PCDHGA11: variants seen among roughly 807,000 people sequenced by gnomAD.
The protein encoded by PCDHGA11 is protocadherin gamma subfamily A, 11.
Under a neutral mutation model 60.4 loss-of-function variants are expected in PCDHGA11, and 39 were observed. The observed-to-expected ratio is 0.65, with a 90% confidence interval of 0.50 to 0.84. PCDHGA11 has a LOEUF of 0.84. PCDHGA11 is among the 40% of genes least tolerant of loss of function. The pLI, the probability that PCDHGA11 is intolerant of heterozygous loss-of-function variation, is 0.00. For synonymous variants in PCDHGA11, 533 were observed against 510.3 expected (o/e 1.04, Z -0.60); for missense variants, 1,165 against 1,197.7 (o/e 0.97, Z 0.40).
At chr5:141,437,197 G>A (rs535640562) in intron 1 of PCDHGA11, among the ~76,000 whole-genome samples, 69 of 152,330 alleles carry the variant, frequency 4.5e-4, no homozygotes, top group Non-Finnish European at 7.8e-4. Flanking sequence ...GGGTTTGGAT[G>A]TGTTTACATT....
At chr5:141,448,000 C>T (rs1363676731) in intron 1 of PCDHGA11, among the ~76,000 whole-genome samples, 3 of 151,840 alleles carry the variant, frequency 2.0e-5, no homozygotes, top group Non-Finnish European at 4.4e-5. Flanking sequence ...GCATGAGAAT[C>T]GCTTGAACCC....
chr5:141,425,943 C>T (rs2096904576), intron 1 of PCDHGA11, among the ~76,000 whole-genome samples: 1 of 152,220 alleles, frequency 6.6e-6, no homozygotes, highest in African/African-American at 2.4e-5. Flanking sequence ...TGTCTAGTTT[C>T]CTATACATTA....
intron 3 of PCDHGA11, among the ~76,000 whole-genome samples, chr5:141,506,202 G>A (rs911181875): frequency 6.6e-6 from 1 of 152,184 alleles, no homozygotes; most frequent in Non-Finnish European, 1.5e-5. Context: ...TGTAATCCCA[G>A]CACTTTGGGA....
chr5:141,460,624 T>TA (rs1464862917), intron 1 of PCDHGA11, among the ~76,000 whole-genome samples: 2 of 152,128 alleles, frequency 1.3e-5, no homozygotes, highest in African/African-American at 4.8e-5. Context: ...GATAGACAGA[T>TA]ACAGATATAT....
rs1435916603 is a variant in PCDHGA11 at position 141,421,807 on chromosome 5, G to C, written c.580G>C (p.Glu194Gln). ...CAGAACGGATGGGGCCAAGAATCCA[G>C]AGCTAGTACTGGAGGGAAGCCTGGA... ...RGRTDGAKNP[E>Q]LVLEGSLDRE... is the part of the protein sequence containing the mutation. The change falls in exon 1 of 4, where the codon GAG becomes CAG. Residue 194 changes from glutamate to glutamine, a missense_variant. Coordinates refer to ENST00000398587, the MANE Select transcript of PCDHGA11 (RefSeq NM_018914.3). 1 of 1,613,852 alleles carries C rather than the reference G, an allele frequency of 6.2e-7. No homozygotes were observed. The highest frequency in any genetic ancestry group is 1.7e-5 in the Admixed American group (1 of 60,028).
At chr5:141,444,670 C>G (rs1174911888) in intron 1 of PCDHGA11, among the ~76,000 whole-genome samples, 1 of 152,052 alleles carries the variant, frequency 6.6e-6, no homozygotes, top group African/African-American at 2.4e-5. Context: ...CCATTTTTTT[C>G]AATACCATTT....
intron 1 of PCDHGA11, chr5:141,429,167 TATAC>T (rs1240034860): frequency 7.3e-6 from 1 of 136,106 alleles, no homozygotes; most frequent in African/African-American, 2.9e-5. Flanking sequence ...AGACATTGTT[TATAC>T]ACACACACAC....
intron 3 of PCDHGA11, among the ~76,000 whole-genome samples, chr5:141,505,995 C>T (rs1041284805): frequency 5.3e-5 from 8 of 152,142 alleles, no homozygotes; most frequent in African/African-American, 1.4e-4. Flanking sequence ...CCTCTTTATG[C>T]GAGGCTCCTC....
At chr5:141,468,953 T>G (rs182999574) in intron 1 of PCDHGA11, among the ~76,000 whole-genome samples, 1,938 of 89,156 alleles carry the variant, frequency 0.022, 22 homozygotes, top group Non-Finnish European at 0.033. Flanking sequence ...AAACCTGTGG[T>G]TTTTTTTACC....
chr5:141,478,882 A>G, intron 1 of PCDHGA11: 1 of 1,200,164 alleles, frequency 8.3e-7, no homozygotes. Context: ...TTAGCTTGGT[A>G]TCATTTACAT....
At chr5:141,442,837 A>G (rs2098346617) in intron 1 of PCDHGA11, among the ~76,000 whole-genome samples, 1 of 152,202 alleles carries the variant, frequency 6.6e-6, no homozygotes, top group Admixed American at 6.5e-5. Flanking sequence ...GGGAGGGACA[A>G]ATCTTGGCCA....
Position 141,489,368 on chromosome 5 carries a change from C to T in PCDHGA11, c.2434-5439C>T, listed in dbSNP as rs889945954. The T allele has an allele frequency of 1.2e-5, 20 of 1,613,264 alleles. No homozygotes were observed. The highest frequency in any genetic ancestry group is 1.6e-5 in the Non-Finnish European group (19 of 1,179,484). On this transcript the variant is annotated intron_variant, in intron 1 of 3. Transcript: ENST00000398587. The surrounding 1 kb of genome is among the most constrained non-coding windows in gnomAD (Gnocchi z 4.5). The stretch of plus-strand genomic sequence containing the variant: ...GTGGTGGAGGAGTCTGAGCCGGGGA[C>T]GCTGGTGGGGAATGTTGCTCAGGAT...
intron 1 of PCDHGA11, among the ~76,000 whole-genome samples, chr5:141,456,917 C>G (rs1005360691): frequency 2.6e-5 from 4 of 152,032 alleles, no homozygotes; most frequent in Non-Finnish European, 5.9e-5. Context: ...GAGCCGAGAT[C>G]GCACCACTGC....
chr5:141,458,273 G>C, intron 1 of PCDHGA11, among the ~76,000 whole-genome samples: 1 of 152,158 alleles, frequency 6.6e-6, no homozygotes, highest in Non-Finnish European at 1.5e-5. Context: ...AGGAACAACA[G>C]GGTTCCTGGT....
intron 1 of PCDHGA11, chr5:141,427,834 C>A: frequency 6.5e-7 from 1 of 1,542,566 alleles, no homozygotes; most frequent in Non-Finnish European, 8.9e-7. Flanking sequence ...GCGCAGCGTG[C>A]CTTCGACCAC....
At chr5:141,464,189 C>T (rs1215955823) in intron 1 of PCDHGA11, among the ~76,000 whole-genome samples, 1 of 150,620 alleles carries the variant, frequency 6.6e-6, no homozygotes, top group Non-Finnish European at 1.5e-5. Context: ...TGCTTGATTT[C>T]AGGAGGCGGA....
intron 1 of PCDHGA11, among the ~76,000 whole-genome samples, chr5:141,474,120 T>C (rs2099343213): frequency 6.6e-6 from 1 of 151,910 alleles, no homozygotes; most frequent in Non-Finnish European, 1.5e-5. Flanking sequence ...ACAACGAAAA[T>C]CTCAGAAAAC....
Position 141,422,211 on chromosome 5 carries a change from C to G in PCDHGA11, c.984C>G (p.Leu328=). 1 of 1,563,286 alleles carries G rather than the reference C, an allele frequency of 6.4e-7. No homozygotes were observed. Among genetic ancestry groups the G allele is most frequent in the Non-Finnish European group, 8.6e-7 (1 of 1,160,004 alleles). The change falls in exon 1 of 4, where the codon CTC becomes CTG. Residue 328 remains leucine (L), a synonymous_variant. Transcript: ENST00000398587. The stretch of plus-strand genomic sequence containing the variant: ...TTCAAGGCCAAGATGGTGGAGGTCT[C>G]TTTACCACCACGACGATGTTGATCA... ...MEIQGQDGGG[L]FTTTTMLITV... is the part of the protein sequence containing the mutation.
At chr5:141,498,220 G>T (rs1562182972) in intron 2 of PCDHGA11, among the ~76,000 whole-genome samples, 1 of 152,222 alleles carries the variant, frequency 6.6e-6, no homozygotes, top group Non-Finnish European at 1.5e-5. Flanking sequence ...GAGCATTCCA[G>T]ATGGTCAGGC....
Sources: allele counts gnomAD v4.1 joint callset (sites outside exome capture counted in the v4.1 genomes callset), GRCh38; gene constraint gnomAD v4.1.1; non-coding constraint Gnocchi (gnomAD v3.1); transcripts MANE v1.5; gene names NCBI Gene and HGNC (gene_info 2026-07-23, HGNC 2026-07-21).